EPHB1: variants seen among roughly 807,000 people sequenced by gnomAD.
EPHB1 encodes the protein EPH receptor B1, also known as ephrin type-B receptor 1.
In EPHB1, 30 loss-of-function variants were observed where a neutral mutation model predicts 94.4. The observed-to-expected ratio is 0.32, with a 90% confidence interval of 0.24 to 0.43. The LOEUF is 0.43. Ranked by LOEUF, EPHB1 falls within the 20% of genes least tolerant of loss-of-function variation. EPHB1 has a pLI of 1.00. For synonymous variants in EPHB1, 522 were observed against 489.1 expected, an observed-to-expected ratio of 1.07 and a Z score of -0.89; for missense variants, 1,055 against 1,308.3, an observed-to-expected ratio of 0.81 and a Z score of 2.99.
chr3:134,832,601 C>G (rs756416421), intron 1 of EPHB1, among the ~76,000 whole-genome samples: 1 of 152,126 alleles, frequency 6.6e-6, no homozygotes, highest in Non-Finnish European at 1.5e-5. Flanking sequence ...CCTTAAATAC[C>G]TGTATTTTTA....
intron 7 of EPHB1, among the ~76,000 whole-genome samples, chr3:135,165,695 T>C (rs1035549953): frequency 6.6e-6 from 1 of 152,230 alleles, no homozygotes; most frequent in African/African-American, 2.4e-5. Context: ...GGAATGTAGA[T>C]TGGAAATCAT....
chr3:135,225,960 G>A (rs1943386747), intron 12 of EPHB1, among the ~76,000 whole-genome samples: 1 of 152,240 alleles, frequency 6.6e-6, no homozygotes, highest in Admixed American at 6.5e-5. Context: ...AAAATGGAAA[G>A]TAAATCTTAA....
intron 5 of EPHB1, among the ~76,000 whole-genome samples, chr3:135,142,103 A>G (rs1182500673): frequency 6.6e-6 from 1 of 152,206 alleles, no homozygotes; most frequent in Non-Finnish European, 1.5e-5. Flanking sequence ...TTACTTATGC[A>G]GTTGGATATT....
chr3:134,804,073 T>TTTTTTTG, intron 1 of EPHB1, among the ~76,000 whole-genome samples: 1 of 2,926 alleles, frequency 3.4e-4, no homozygotes, highest in African/African-American at 1.1e-3. Context: ...TATTGGCTAT[T>TTTTTTTG]TTTTTTTTTT....
chr3:135,126,817 T>C (rs987299898), intron 4 of EPHB1, among the ~76,000 whole-genome samples: 2 of 152,206 alleles, frequency 1.3e-5, no homozygotes, highest in African/African-American at 4.8e-5. Context: ...TATGGGCTCC[T>C]ACATCAGGTT....
intron 3 of EPHB1, among the ~76,000 whole-genome samples, chr3:134,987,805 G>A (rs1934655773): frequency 6.6e-6 from 1 of 151,920 alleles, no homozygotes; most frequent in Non-Finnish European, 1.5e-5. Flanking sequence ...AACCATGTGA[G>A]GACATAGCAA....
At chr3:135,114,728 GATAAATAAATAA>G (rs67059261) in intron 4 of EPHB1, among the ~76,000 whole-genome samples, 13 of 133,728 alleles carry the variant, frequency 9.7e-5, no homozygotes, top group African/African-American at 2.5e-4. Context: ...GTCTCAGATA[GATAAATAAATAA>G]ATAAATAAAT....
At chr3:135,110,211 A>T (rs912431259) in intron 4 of EPHB1, among the ~76,000 whole-genome samples, 4 of 152,204 alleles carry the variant, frequency 2.6e-5, no homozygotes, top group Non-Finnish European at 5.9e-5. Flanking sequence ...CTCACATGGA[A>T]GAAATTTTGA....
At chr3:135,109,712 A>G (rs980707214) in intron 4 of EPHB1, among the ~76,000 whole-genome samples, 5 of 152,210 alleles carry the variant, frequency 3.3e-5, no homozygotes, top group African/African-American at 1.2e-4. Flanking sequence ...TGACTGCCCT[A>G]CCCTGCGACC....
intron 3 of EPHB1, among the ~76,000 whole-genome samples, chr3:135,005,468 A>C (rs1286147675): frequency 6.6e-6 from 1 of 152,192 alleles, no homozygotes; most frequent in South Asian, 2.1e-4. Flanking sequence ...GGCCTCCTTG[A>C]GCTGTGGTGG....
chr3:135,205,771 A>G (rs1398432656), intron 12 of EPHB1, among the ~76,000 whole-genome samples: 1 of 152,072 alleles, frequency 6.6e-6, no homozygotes, highest in Non-Finnish European at 1.5e-5. Flanking sequence ...CACACCATCT[A>G]TTGTTTTGAT....
chr3:134,987,215 T>G (rs749563890), intron 3 of EPHB1, among the ~76,000 whole-genome samples: 2 of 152,174 alleles, frequency 1.3e-5, no homozygotes, highest in Non-Finnish European at 2.9e-5. Context: ...AGGCATTGTC[T>G]TAAGTATATT....
intron 1 of EPHB1, among the ~76,000 whole-genome samples, chr3:134,882,356 CAG>C (rs1223086566): frequency 1.3e-5 from 2 of 152,276 alleles, no homozygotes; most frequent in African/African-American, 4.8e-5. Context: ...AAAATGGACT[CAG>C]AAAATACAAC....
intron 3 of EPHB1, among the ~76,000 whole-genome samples, chr3:135,031,323 G>A (rs2107760605): frequency 6.6e-6 from 1 of 151,876 alleles, no homozygotes; most frequent in African/African-American, 2.4e-5. Context: ...CTCTTTCTCT[G>A]TTTCTTGATG....
chr3:135,249,128 G>A (rs1207824149), intron 14 of EPHB1, among the ~76,000 whole-genome samples: 2 of 152,152 alleles, frequency 1.3e-5, no homozygotes, highest in East Asian at 3.9e-4. Flanking sequence ...CTGTGACAGT[G>A]CCCAGAGGCA....
At chr3:134,906,139 G>A (rs2038320478) in intron 1 of EPHB1, among the ~76,000 whole-genome samples, 1 of 152,108 alleles carries the variant, frequency 6.6e-6, no homozygotes, top group Admixed American at 6.5e-5. Flanking sequence ...ATTCATTAAT[G>A]GCAAATGAGG....
intron 3 of EPHB1, among the ~76,000 whole-genome samples, chr3:135,012,475 G>A (rs186439902): frequency 1.3e-5 from 2 of 152,218 alleles, no homozygotes; most frequent in African/African-American, 4.8e-5. Flanking sequence ...GTTCATGAAG[G>A]TGTGTAGCTT....
At chr3:135,147,398 T>C (rs1429512200) in intron 5 of EPHB1, among the ~76,000 whole-genome samples, 2 of 152,216 alleles carry the variant, frequency 1.3e-5, no homozygotes, top group African/African-American at 4.8e-5. Context: ...GTATGAATGT[T>C]TATAGAAGCA....
chr3:135,123,160 C>A (rs1206345707), intron 4 of EPHB1, among the ~76,000 whole-genome samples: 1 of 152,196 alleles, frequency 6.6e-6, no homozygotes, highest in Admixed American at 6.5e-5. Context: ...GCCAGCCCTG[C>A]ACTCAAGTCT....
Sources: gnomAD v4.1 joint callset for allele counts (sites outside exome capture counted in the v4.1 genomes callset) on GRCh38, gnomAD v4.1.1 for gene constraint, MANE v1.5 for transcripts, NCBI Gene and HGNC (gene_info 2026-07-23, HGNC 2026-07-21) for gene names.